The following PDE4D variants were observed in gnomAD, a reference collection of about 807,000 sequenced individuals.
The protein encoded by PDE4D is 3',5'-cyclic-AMP phosphodiesterase 4D.
A neutral mutation model predicts 87.4 loss-of-function variants in PDE4D; 24 were observed. The ratio of observed to expected loss-of-function variants is 0.27; its 90% confidence interval spans 0.20 to 0.39. The LOEUF (loss-of-function observed/expected upper bound fraction) is 0.39, where lower values mean the gene tolerates loss of function less well. Among genes scored for constraint, PDE4D ranks in the 10% least tolerant of loss-of-function variants. The probability of loss-of-function intolerance (pLI) is 1.00; values close to 1 mark genes in which losing one functional copy is unlikely to be tolerated. For missense variants in PDE4D, 714 were observed against 1,041.0 expected, an observed-to-expected ratio of 0.69 and a Z score of 4.32; for synonymous variants, 384 against 383.2, an observed-to-expected ratio of 1.00 and a Z score of -0.02.
chr5:60,319,161 C>T (rs1755946040), intron 1 of PDE4D, among the ~76,000 whole-genome samples: 1 of 152,144 alleles, frequency 6.6e-6, no homozygotes, highest in Non-Finnish European at 1.5e-5. Flanking sequence ...TAGTCCCATA[C>T]TTCTTGGAGG....
At chr5:59,320,759 G>T (rs527565100) in intron 1 of PDE4D, among the ~76,000 whole-genome samples, 7 of 151,880 alleles carry the variant, frequency 4.6e-5, no homozygotes, top group Non-Finnish European at 8.8e-5. Context: ...TTAGAGCACC[G>T]CTATTTCCCT....
At chr5:60,472,481 A>C (rs1023763917) in intron 1 of PDE4D, among the ~76,000 whole-genome samples, 1 of 152,146 alleles carries the variant, frequency 6.6e-6, no homozygotes, top group Non-Finnish European at 1.5e-5. Flanking sequence ...CTGAAACATA[A>C]GCACACCCTT....
At chr5:59,162,640 A>T (rs1281065123) in intron 5 of PDE4D, among the ~76,000 whole-genome samples, 1 of 151,380 alleles carries the variant, frequency 6.6e-6, no homozygotes, top group African/African-American at 2.4e-5. Context: ...GGAGTGCAAG[A>T]CTAGCCTGGG....
intron 1 of PDE4D, among the ~76,000 whole-genome samples, chr5:59,886,040 T>C (rs1010792333): frequency 1.3e-5 from 2 of 152,178 alleles, no homozygotes; most frequent in Admixed American, 1.3e-4. Flanking sequence ...GAAAATCAAA[T>C]ATATCCTGTC....
intron 1 of PDE4D, among the ~76,000 whole-genome samples, chr5:59,297,997 G>T (rs1393368494): frequency 6.6e-6 from 1 of 151,936 alleles, no homozygotes; most frequent in Non-Finnish European, 1.5e-5. Context: ...AATGGAATGG[G>T]TTCCCTTGGG....
chr5:60,373,578 T>C (rs1583561138), intron 1 of PDE4D, among the ~76,000 whole-genome samples: 1 of 152,334 alleles, frequency 6.6e-6, no homozygotes, highest in South Asian at 2.1e-4. Flanking sequence ...AGCTTACAAC[T>C]GTCAGGCTCT....
intron 1 of PDE4D, among the ~76,000 whole-genome samples, chr5:60,435,826 G>A (rs1209120623): frequency 6.6e-6 from 1 of 152,032 alleles, no homozygotes. Context: ...GAATAAATGA[G>A]AGAATCATTT....
At chr5:60,070,334 C>A (rs1186583753) in intron 2 of PDE4D, among the ~76,000 whole-genome samples, 1 of 151,924 alleles carries the variant, frequency 6.6e-6, no homozygotes, top group Non-Finnish European at 1.5e-5. Context: ...TAATATATGG[C>A]TTTTATTATG....
chr5:59,818,081 C>G (rs1769204123), intron 1 of PDE4D, among the ~76,000 whole-genome samples: 1 of 152,136 alleles, frequency 6.6e-6, no homozygotes, highest in Non-Finnish European at 1.5e-5. Flanking sequence ...CACATGTATC[C>G]AAAGGCAAGC....
intron 1 of PDE4D, among the ~76,000 whole-genome samples, chr5:59,518,193 T>TTGTGTG (rs34669732): frequency 1.8e-4 from 27 of 149,544 alleles, no homozygotes; most frequent in South Asian, 8.6e-4. Flanking sequence ...ACTTGTGTGT[T>TTGTGTG]TGTGTGTGTG....
chr5:59,198,125 ACTGT>A (rs1269666169), intron 2 of PDE4D, among the ~76,000 whole-genome samples: 4 of 152,214 alleles, frequency 2.6e-5, no homozygotes, highest in Non-Finnish European at 5.9e-5. Flanking sequence ...ATGATGCAAT[ACTGT>A]CTTTCATTTA....
chr5:60,441,579 A>T (rs1031018848), intron 1 of PDE4D, among the ~76,000 whole-genome samples: 2 of 152,130 alleles, frequency 1.3e-5, no homozygotes, highest in African/African-American at 4.8e-5. Context: ...AAGCCAAAAT[A>T]GACAAATGGG....
chr5:59,639,926 T>C (rs1338626325), intron 1 of PDE4D, among the ~76,000 whole-genome samples: 1 of 151,010 alleles, frequency 6.6e-6, no homozygotes, highest in African/African-American at 2.5e-5. Flanking sequence ...GTACATTTGA[T>C]GTAACAGTTC....
At chr5:59,275,143 C>A (rs910473581) in intron 1 of PDE4D, among the ~76,000 whole-genome samples, 1 of 151,848 alleles carries the variant, frequency 6.6e-6, no homozygotes, top group Admixed American at 6.6e-5. Flanking sequence ...TTGTTACAGT[C>A]CAAGAGGAAT....
intron 1 of PDE4D, among the ~76,000 whole-genome samples, chr5:60,456,635 A>G (rs1746486468): frequency 6.6e-6 from 1 of 152,230 alleles, no homozygotes; most frequent in Non-Finnish European, 1.5e-5. Context: ...AGAATAAGCT[A>G]GCACAAAGAG....
Position 58,969,160 on chromosome 5 carries a change from A to G in PDE4D, c.*5504T>C, listed in dbSNP as rs1211322066. ...ATTAAGAACCTACTGTGTACCAGGCATAGTTTTAAGTGCTAGTGATATATT... is the reference window on the plus strand; with the variant it reads ...ATTAAGAACCTACTGTGTACCAGGCGTAGTTTTAAGTGCTAGTGATATATT... On this transcript the variant is annotated 3_prime_UTR_variant, in exon 15 of 15. Transcript: ENST00000340635. 1.3e-5 allele frequency: 2 copies of G among 152,218 alleles called. No homozygotes were observed. Among genetic ancestry groups the G allele is most frequent in the Non-Finnish European group, 2.9e-5 (2 of 68,042 alleles). 9.4% of individuals were successfully genotyped at this position (152,218 alleles called of 1,614,324 possible). A position where few individuals can be genotyped will look rare whatever the true frequency, so the allele number is the denominator to read the frequency against.
chr5:60,437,082 T>C (rs115990919), intron 1 of PDE4D, among the ~76,000 whole-genome samples: 2,329 of 152,098 alleles, frequency 0.015, 59 homozygotes, highest in African/African-American at 0.053. Context: ...ACACAATCAC[T>C]TTTTCTCCCC....
chr5:60,496,494 A>C (rs1749820023), intron 1 of PDE4D, among the ~76,000 whole-genome samples: 1 of 152,206 alleles, frequency 6.6e-6, no homozygotes, highest in Admixed American at 6.5e-5. Context: ...GCATTAAAAT[A>C]AGTGGAAGTT....
chr5:60,016,138 A>G (rs144290758), intron 2 of PDE4D, among the ~76,000 whole-genome samples: 134 of 152,266 alleles, frequency 8.8e-4, no homozygotes, highest in Admixed American at 1.8e-3. Context: ...GACCACTGCA[A>G]TAAAGCAAAT....
Sources: gnomAD v4.1 joint callset for allele counts (sites outside exome capture counted in the v4.1 genomes callset) on GRCh38, gnomAD v4.1.1 for gene constraint, MANE v1.5 for transcripts, NCBI Gene and HGNC (gene_info 2026-07-23, HGNC 2026-07-21) for gene names.